AUTS2: variants seen among roughly 807,000 people sequenced by gnomAD.
AUTS2 encodes autism susceptibility gene 2 protein.
A neutral mutation model predicts 112.4 loss-of-function variants in AUTS2; 17 were observed. That is an observed-to-expected ratio of 0.15 (90% CI 0.10 to 0.23). The LOEUF is 0.23. AUTS2 is among the 10% of genes least tolerant of loss of function. AUTS2 has a pLI of 1.00. For synonymous variants in AUTS2, 751 were observed against 702.7 expected (o/e 1.07, Z -1.09); for missense variants, 1,510 against 1,701.6 (o/e 0.89, Z 1.98).
At position 70,565,460 on chromosome 7, in the gene AUTS2, C is replaced by T. The variant is rs550506462; in HGVS notation, c.690+129679C>T. On this transcript the variant is annotated intron_variant, in intron 5 of 18. Coordinates refer to ENST00000342771, the MANE Select transcript of AUTS2 (RefSeq NM_015570.4). ...TTGGGAGGCCAAGGTGAGAGGATTGCTTGAGCCTAGGAATTCAAGACCAGC... is the reference window on the plus strand; with the variant it reads ...TTGGGAGGCCAAGGTGAGAGGATTGTTTGAGCCTAGGAATTCAAGACCAGC... 1.6e-4 allele frequency among the ~76,000 whole-genome samples: 24 copies of T among 152,256 alleles called. 1 individual carries two copies. In the South Asian group the frequency reaches 4.8e-3, roughly 30 times the overall value.
chr7:70,467,503 G>T (rs1453706516), intron 5 of AUTS2, among the ~76,000 whole-genome samples: 1 of 152,204 alleles, frequency 6.6e-6, no homozygotes, highest in East Asian at 1.9e-4. Context: ...AGAAACAGAT[G>T]CCATATTGGA....
chr7:69,885,145 G>T (rs554736216), intron 1 of AUTS2, among the ~76,000 whole-genome samples: 6 of 152,150 alleles, frequency 3.9e-5, no homozygotes, highest in East Asian at 1.9e-4. Flanking sequence ...GTAGTGATAG[G>T]TTATTTGCAA....
chr7:70,093,197 T>TCTCATC (rs1349304100), intron 2 of AUTS2, among the ~76,000 whole-genome samples: 5 of 152,194 alleles, frequency 3.3e-5, no homozygotes, highest in African/African-American at 1.2e-4. Flanking sequence ...TACTTATGGC[T>TCTCATC]GTAACCAATC....
intron 1 of AUTS2, among the ~76,000 whole-genome samples, chr7:69,711,799 G>A (rs1332123636): frequency 6.6e-6 from 1 of 152,104 alleles, no homozygotes; most frequent in Non-Finnish European, 1.5e-5. Context: ...TGGTTCTGAG[G>A]AAATGACTAT....
intron 4 of AUTS2, among the ~76,000 whole-genome samples, chr7:70,362,492 G>A (rs957989258): frequency 6.6e-6 from 1 of 152,150 alleles, no homozygotes; most frequent in Non-Finnish European, 1.5e-5. Flanking sequence ...CCCCGGGAAA[G>A]TGAAACATTC....
intron 5 of AUTS2, among the ~76,000 whole-genome samples, chr7:70,496,304 CA>C (rs1798499028): frequency 2.4e-5 from 3 of 126,648 alleles, no homozygotes; most frequent in Admixed American, 7.8e-5. Context: ...CCCACTCACA[CA>C]CACCACGTAC....
intron 4 of AUTS2, among the ~76,000 whole-genome samples, chr7:70,136,850 A>G (rs550727650): frequency 2.0e-5 from 3 of 152,260 alleles, no homozygotes; most frequent in East Asian, 1.9e-4. Context: ...CCAAGCCCCA[A>G]CTTCACAGAC....
intron 4 of AUTS2, among the ~76,000 whole-genome samples, chr7:70,262,804 G>A (rs1054491789): frequency 6.6e-6 from 1 of 152,074 alleles, no homozygotes; most frequent in Admixed American, 6.6e-5. Flanking sequence ...TTTAATAAGT[G>A]GCCACAGTAG....
intron 5 of AUTS2, among the ~76,000 whole-genome samples, chr7:70,442,262 A>G (rs1272489089): frequency 6.6e-6 from 1 of 152,104 alleles, no homozygotes; most frequent in Non-Finnish European, 1.5e-5. Flanking sequence ...CTCATCTCCA[A>G]ACGGAGGGGA....
chr7:70,018,913 A>G (rs973721080), intron 2 of AUTS2, among the ~76,000 whole-genome samples: 1 of 152,244 alleles, frequency 6.6e-6, no homozygotes, highest in African/African-American at 2.4e-5. Context: ...ATTACTGGGT[A>G]TATACCCAAA....
intron 2 of AUTS2, among the ~76,000 whole-genome samples, chr7:70,090,494 G>T (rs1431678634): frequency 6.6e-6 from 1 of 151,972 alleles, no homozygotes; most frequent in Non-Finnish European, 1.5e-5. Flanking sequence ...CTCCCGACTG[G>T]CTGGGACTAC....
intron 1 of AUTS2, among the ~76,000 whole-genome samples, chr7:69,663,419 A>G (rs1795892777): frequency 6.6e-6 from 1 of 152,196 alleles, no homozygotes; most frequent in South Asian, 2.1e-4. Flanking sequence ...AGAAATAATA[A>G]GATACACCCC....
In AUTS2 at chr7:70,134,552, G is replaced by T; in HGVS notation, c.641G>T (p.Ser214Ile). The change falls in exon 4 of 19, where the codon AGC becomes ATC. Residue 214 changes from serine to isoleucine, a missense_variant. Physicochemically the swap from Ser to Ile is moderately radical, Grantham distance 142 (BLOSUM62 -2). This residue lies in a region of AUTS2 where 535 missense variants were observed against 594.3 expected (regional missense o/e 0.90). Coordinates refer to ENST00000342771, the MANE Select transcript of AUTS2 (RefSeq NM_015570.4). ...TTATTGCAGAGTTCAGCTCCTTCCA[G>T]CTTGGGAACAGGCTACTTCGTAAGT... Reference protein sequence around the residue: ...ERLSDSSAPSSLGTGYFCDSD... With the variant: ...ERLSDSSAPSILGTGYFCDSD... The T allele has an allele frequency of 6.2e-7, 1 of 1,613,820 alleles. No homozygotes were observed. The highest frequency in any genetic ancestry group is 8.5e-7 in the Non-Finnish European group (1 of 1,179,802).
intron 1 of AUTS2, among the ~76,000 whole-genome samples, chr7:69,677,184 A>G (rs1796602871): frequency 6.6e-6 from 1 of 152,112 alleles, no homozygotes; most frequent in African/African-American, 2.4e-5. Flanking sequence ...AGACAGCCAA[A>G]AGCCCAGAGA....
intron 4 of AUTS2, among the ~76,000 whole-genome samples, chr7:70,405,398 A>G (rs950408384): frequency 1.8e-4 from 27 of 152,212 alleles, no homozygotes; most frequent in Non-Finnish European, 5.9e-5. Context: ...AAGTCTGTGA[A>G]ATGGAAAGGA....
intron 5 of AUTS2, among the ~76,000 whole-genome samples, chr7:70,456,161 C>G (rs1169956892): frequency 6.6e-6 from 1 of 152,226 alleles, no homozygotes; most frequent in African/African-American, 2.4e-5. Flanking sequence ...CAAGGGCAGA[C>G]TGGCCCACTG....
intron 5 of AUTS2, among the ~76,000 whole-genome samples, chr7:70,675,852 C>A (rs186805678): frequency 6.6e-6 from 1 of 152,214 alleles, no homozygotes; most frequent in East Asian, 1.9e-4. Context: ...GCAGAAGCAG[C>A]GAGACTTCTG....
At chr7:69,970,875 A>G (rs552248855) in intron 2 of AUTS2, among the ~76,000 whole-genome samples, 2 of 152,270 alleles carry the variant, frequency 1.3e-5, no homozygotes, top group African/African-American at 4.8e-5. Context: ...CCTGCACGTA[A>G]TAGATATTTA....
chr7:70,701,503 C>T (rs1316402438), intron 6 of AUTS2, among the ~76,000 whole-genome samples: 1 of 152,122 alleles, frequency 6.6e-6, no homozygotes, highest in Non-Finnish European at 1.5e-5. Context: ...TTTTATATCA[C>T]GTTTGTTCAT....
Sources: gnomAD v4.1 joint callset for allele counts (sites outside exome capture counted in the v4.1 genomes callset) on GRCh38, gnomAD v4.1.1 for gene constraint, gnomAD v4.1.1 regional missense constraint, MANE v1.5 for transcripts, NCBI Gene and HGNC (gene_info 2026-07-23, HGNC 2026-07-21) for gene names.